Variants in PLA2G4A observed in about 807,000 individuals in gnomAD.
PLA2G4A encodes cytosolic phospholipase A2.
A neutral mutation model predicts 81.9 loss-of-function variants in PLA2G4A; 40 were observed. The ratio of observed to expected loss-of-function variants is 0.49; its 90% confidence interval spans 0.38 to 0.64. The LOEUF (loss-of-function observed/expected upper bound fraction) is 0.64. Ranked by LOEUF, PLA2G4A falls within the 30% of genes least tolerant of loss-of-function variation. The probability of loss-of-function intolerance (pLI) is 0.00; values close to 1 mark genes in which losing one functional copy is unlikely to be tolerated. For missense variants in PLA2G4A, 715 were observed against 905.1 expected, an observed-to-expected ratio of 0.79 and a Z score of 2.69; for synonymous variants, 302 against 296.9, an observed-to-expected ratio of 1.02 and a Z score of -0.18.
intron 14 of PLA2G4A, among the ~76,000 whole-genome samples, chr1:186,961,313 T>A (rs1001765861): frequency 2.6e-5 from 4 of 152,042 alleles, no homozygotes; most frequent in African/African-American, 9.7e-5. Flanking sequence ...AATGTACATT[T>A]CAAAATAGCT....
chr1:186,949,387 GAA>G (rs71108303), intron 12 of PLA2G4A, among the ~76,000 whole-genome samples: 2 of 145,196 alleles, frequency 1.4e-5, no homozygotes, highest in Non-Finnish European at 3.0e-5. Context: ...AAGAAAGAAA[GAA>G]AAAAGAAAAA....
Position 186,911,321 on chromosome 1 carries a change from C to A in PLA2G4A, c.490C>A (p.His164Asn). The A allele has an allele frequency of 6.2e-7, 1 of 1,607,934 alleles. No individual in the cohort carries two copies. The highest frequency in any genetic ancestry group is 8.5e-7 in the Non-Finnish European group (1 of 1,174,434). ...EKTFRQQRKE[H>N]IRESMKKLLG... is the part of the protein sequence containing the mutation. ...GACTTTCAGACAACAGAGAAAAGAA[C>A]ACATAAGGGAGAGCATGAAGAAACT... Residue 164 changes from histidine (H) to asparagine (N), a missense_variant, in exon 7 of 18, where the codon CAC becomes AAC. Coordinates refer to ENST00000367466, the MANE Select transcript of PLA2G4A (RefSeq NM_024420.3).
intron 3 of PLA2G4A, among the ~76,000 whole-genome samples, chr1:186,884,256 CTTT>C (rs758656530): frequency 1.4e-4 from 19 of 136,250 alleles, no homozygotes; most frequent in East Asian, 2.1e-4. Context: ...AATCCTCCCC[CTTT>C]TTTTTTTTTT....
intron 9 of PLA2G4A, among the ~76,000 whole-genome samples, 199 bp from the exon 10 acceptor site, chr1:186,939,780 AT>A (rs1656084236): frequency 6.6e-6 from 1 of 152,164 alleles, no homozygotes; most frequent in Non-Finnish European, 1.5e-5. Flanking sequence ...TAGAGTTATG[AT>A]TATTTTTTAA....
intron 7 of PLA2G4A, among the ~76,000 whole-genome samples, chr1:186,914,627 A>AT (rs1166476324): frequency 1.3e-5 from 2 of 152,098 alleles, no homozygotes; most frequent in Non-Finnish European, 2.9e-5. Context: ...TAGGACAGGG[A>AT]TTTTCACAGT....
At chr1:186,943,293 C>T (rs1656222965) in intron 10 of PLA2G4A, among the ~76,000 whole-genome samples, 1 of 152,160 alleles carries the variant, frequency 6.6e-6, no homozygotes, top group Non-Finnish European at 1.5e-5. Context: ...AAATTCCTGA[C>T]TCCTCCACTA....
chr1:186,937,823 C>T (rs765440731), intron 8 of PLA2G4A, among the ~76,000 whole-genome samples: 17 of 151,612 alleles, frequency 1.1e-4, no homozygotes, highest in African/African-American at 2.2e-4. Context: ...TTTAAATTTC[C>T]CAATGCTCTT....
intron 1 of PLA2G4A, among the ~76,000 whole-genome samples, chr1:186,838,103 C>T (rs949441313): frequency 2.6e-5 from 4 of 152,138 alleles, no homozygotes; most frequent in Admixed American, 6.5e-5. Context: ...TGACTTTTTC[C>T]GGTGGGAATA....
At chr1:186,866,746 A>C (rs1032310645) in intron 2 of PLA2G4A, among the ~76,000 whole-genome samples, 3 of 152,134 alleles carry the variant, frequency 2.0e-5, no homozygotes, top group African/African-American at 7.2e-5. Context: ...TTAGATATGC[A>C]AAAAAGCATA....
chr1:186,850,721 C>A (rs905244069), intron 1 of PLA2G4A, among the ~76,000 whole-genome samples: 10 of 151,934 alleles, frequency 6.6e-5, no homozygotes, highest in African/African-American at 2.2e-4. Context: ...GAATAACTAC[C>A]AGAATCTTGT....
chr1:186,971,707 A>G (rs953551451), intron 15 of PLA2G4A, among the ~76,000 whole-genome samples: 10 of 152,042 alleles, frequency 6.6e-5, no homozygotes, highest in South Asian at 2.1e-4. Context: ...AAGATTGCCA[A>G]AGTAGAATTG....
At chr1:186,875,434 A>G (rs1030745758) in intron 3 of PLA2G4A, among the ~76,000 whole-genome samples, 1 of 152,070 alleles carries the variant, frequency 6.6e-6, no homozygotes, top group African/African-American at 2.4e-5. Context: ...TTCTGAAATT[A>G]TTTTATACTA....
chr1:186,915,856 T>A (rs903752336), intron 7 of PLA2G4A, among the ~76,000 whole-genome samples: 1 of 152,108 alleles, frequency 6.6e-6, no homozygotes, highest in African/African-American at 2.4e-5. Context: ...GTGAGTGAAT[T>A]TTTTTCCTTC....
chr1:186,983,898 C>T (rs1191393503), intron 17 of PLA2G4A, among the ~76,000 whole-genome samples: 5 of 151,890 alleles, frequency 3.3e-5, no homozygotes, highest in South Asian at 4.2e-4. Flanking sequence ...TAAAGGGAAA[C>T]GATGGTATAT....
intron 14 of PLA2G4A, among the ~76,000 whole-genome samples, chr1:186,958,407 A>T (rs753290227): frequency 3.8e-4 from 58 of 152,322 alleles, no homozygotes; most frequent in Non-Finnish European, 6.3e-4. Flanking sequence ...CGCAATACCA[A>T]TTAAATATGT....
intron 2 of PLA2G4A, among the ~76,000 whole-genome samples, chr1:186,858,703 G>A (rs934256081): frequency 6.6e-6 from 1 of 152,042 alleles, no homozygotes; most frequent in African/African-American, 2.4e-5. Context: ...AATTACCTAT[G>A]TGGTAATATT....
intron 15 of PLA2G4A, 33 bp downstream of exon 15, chr1:186,965,626 AC>A: frequency 6.9e-7 from 1 of 1,452,112 alleles, no homozygotes; most frequent in Non-Finnish European, 9.7e-7. Flanking sequence ...TCCATTCTCT[AC>A]CACATTCTCT....
At chr1:186,952,471 CT>C (rs768571399) in intron 13 of PLA2G4A, among the ~76,000 whole-genome samples, 2 of 152,150 alleles carry the variant, frequency 1.3e-5, no homozygotes, top group Non-Finnish European at 2.9e-5. Context: ...CATATGTCCC[CT>C]GTCCACCTTC....
intron 3 of PLA2G4A, among the ~76,000 whole-genome samples, chr1:186,879,684 A>G (rs1056107840): frequency 2.6e-5 from 4 of 151,944 alleles, no homozygotes; most frequent in Non-Finnish European, 4.4e-5. Context: ...TATGCACAAT[A>G]TAAGTGTTTC....
Sources: gnomAD v4.1 joint callset for allele counts (sites outside exome capture counted in the v4.1 genomes callset) on GRCh38, gnomAD v4.1.1 for gene constraint, MANE v1.5 for transcripts, NCBI Gene and HGNC (gene_info 2026-07-23, HGNC 2026-07-21) for gene names.